The following AKAP6 variants were observed in gnomAD, a reference collection of about 807,000 sequenced individuals.
The protein encoded by AKAP6 is A-kinase anchoring protein 6, also known as A-kinase anchor protein 6.
Under a neutral mutation model 188.5 loss-of-function variants are expected in AKAP6, and 58 were observed. The observed-to-expected ratio is 0.31, with a 90% CI of 0.25 to 0.38. The LOEUF (loss-of-function observed/expected upper bound fraction) is 0.38, where lower values mean the gene tolerates loss of function less well. AKAP6 is among the 10% of genes least tolerant of loss of function. The pLI, the probability that AKAP6 is intolerant of heterozygous loss-of-function variation, is 1.00. For missense variants in AKAP6, 2,710 were observed against 2,740.0 expected (o/e 0.99, Z 0.24); for synonymous variants, 989 against 998.6 (o/e 0.99, Z 0.18).
intron 11 of AKAP6, among the ~76,000 whole-genome samples, chr14:32,752,947 C>G (rs1439650650): frequency 6.6e-6 from 1 of 151,986 alleles, no homozygotes; most frequent in Non-Finnish European, 1.5e-5. Flanking sequence ...CCCACATTTT[C>G]TATATCCATT....
At chr14:32,533,540 G>A (rs1275997560) in intron 2 of AKAP6, among the ~76,000 whole-genome samples, 1 of 152,152 alleles carries the variant, frequency 6.6e-6, no homozygotes, top group East Asian at 1.9e-4. Context: ...AGAAGTTAAG[G>A]AGTGTTTTTT....
Position 32,401,848 on chromosome 14 carries a change from G to C in AKAP6, c.-34-31612G>C, listed in dbSNP as rs553441013. On this transcript the variant is annotated intron_variant, in intron 1 of 13. Transcript: ENST00000280979. ...AATTGTAGCAGGAATCAAGCCTCAT[G>C]ATGCAAATGCCTAAATCCTGAATTG... The C allele has an allele frequency of 3.3e-5, 5 of 152,334 alleles. No homozygotes were observed. The South Asian group carries it at 1.0e-3, about 32-fold the overall frequency. The allele number at this position is 152,334 out of a possible 1,614,324, so 9.4% of individuals were successfully genotyped here.
At chr14:32,548,247 C>A (rs1344506056) in intron 4 of AKAP6, among the ~76,000 whole-genome samples, 1 of 151,806 alleles carries the variant, frequency 6.6e-6, no homozygotes, top group Non-Finnish European at 1.5e-5. Flanking sequence ...GATTATAGGC[C>A]CCCACAACCA....
intron 1 of AKAP6, among the ~76,000 whole-genome samples, chr14:32,389,883 TG>T (rs1888654247): frequency 6.6e-6 from 1 of 152,178 alleles, no homozygotes; most frequent in East Asian, 1.9e-4. Flanking sequence ...TGTATTTGGA[TG>T]TGTGGGTCTC....
intron 7 of AKAP6, among the ~76,000 whole-genome samples, chr14:32,648,170 G>A (rs1888060888): frequency 6.6e-6 from 1 of 152,064 alleles, no homozygotes; most frequent in African/African-American, 2.4e-5. Context: ...CCCACACTTA[G>A]CTGGAGGAGA....
chr14:32,483,553 C>T (rs1384719454), intron 2 of AKAP6, among the ~76,000 whole-genome samples: 2 of 152,076 alleles, frequency 1.3e-5, no homozygotes, highest in Non-Finnish European at 2.9e-5. Context: ...GGCATGATCT[C>T]GGCTCACTGC....
intron 2 of AKAP6, among the ~76,000 whole-genome samples, chr14:32,517,862 G>T (rs188045406): frequency 1.3e-5 from 2 of 152,322 alleles, no homozygotes; most frequent in Non-Finnish European, 2.9e-5. Context: ...CTCCTAGCAC[G>T]GAGTTTGAGA....
At chr14:32,790,495 G>A (rs1229525869) in intron 12 of AKAP6, among the ~76,000 whole-genome samples, 2 of 152,086 alleles carry the variant, frequency 1.3e-5, no homozygotes, top group East Asian at 3.9e-4. Context: ...ACTTACAAAG[G>A]GAAACCCATC....
At chr14:32,428,050 T>C (rs1890092423) in intron 1 of AKAP6, among the ~76,000 whole-genome samples, 1 of 152,224 alleles carries the variant, frequency 6.6e-6, no homozygotes, top group East Asian at 1.9e-4. Context: ...TGCTCTTACA[T>C]GGAAAGAACA....
chr14:32,662,247 G>A (rs1888736113), intron 7 of AKAP6, among the ~76,000 whole-genome samples: 1 of 152,076 alleles, frequency 6.6e-6, no homozygotes, highest in African/African-American at 2.4e-5. Context: ...TTGGGCATGG[G>A]ATTCTGACTA....
intron 7 of AKAP6, among the ~76,000 whole-genome samples, chr14:32,618,351 C>A (rs942704179): frequency 6.6e-6 from 1 of 152,070 alleles, no homozygotes; most frequent in Non-Finnish European, 1.5e-5. Context: ...TTCGTCCTAC[C>A]CTCCCTGCTT....
chr14:32,695,479 G>T (rs1890365554), intron 8 of AKAP6, among the ~76,000 whole-genome samples: 1 of 152,138 alleles, frequency 6.6e-6, no homozygotes, highest in Admixed American at 6.5e-5. Flanking sequence ...AGCTGATAGT[G>T]ATCCTTATAC....
intron 2 of AKAP6, among the ~76,000 whole-genome samples, chr14:32,499,318 A>G (rs764458512): frequency 8.3e-6 from 1 of 120,304 alleles, no homozygotes; most frequent in Admixed American, 9.6e-5. Flanking sequence ...ATAAAAAATA[A>G]GTGTAACAGC....
intron 1 of AKAP6, among the ~76,000 whole-genome samples, chr14:32,373,100 G>C (rs1039634651): frequency 6.6e-6 from 1 of 151,594 alleles, no homozygotes; most frequent in African/African-American, 2.4e-5. Flanking sequence ...GCTTTTTTGG[G>C]GGGGTGGGGT....
chr14:32,829,616 T>C lies in AKAP6; in HGVS notation c.*43-232T>C, dbSNP rs751583569. ...TTGTTTTCTTTGAAACCACGTCTTT[T>C]TAAAAAAAAAAAAAAATCAATGTAT... On this transcript the variant is annotated intron_variant, in intron 13 of 13. Transcript: ENST00000280979. Among the ~76,000 whole-genome samples the C allele has an allele frequency of 4.4e-3, 429 of 96,850 alleles. 4 individuals are homozygous for C. The highest frequency in any genetic ancestry group is 5.8e-3 in the Non-Finnish European group (287 of 49,484). The allele number at this position is 96,850 out of a possible 152,430, so 63.5% of individuals were successfully genotyped here.
At chr14:32,499,180 G>T (rs1195563698) in intron 2 of AKAP6, among the ~76,000 whole-genome samples, 4 of 152,002 alleles carry the variant, frequency 2.6e-5, no homozygotes, top group Non-Finnish European at 5.9e-5. Context: ...GAAGCATCTT[G>T]GCTGTTAGCA....
At chr14:32,604,778 A>G (rs1461482520) in intron 7 of AKAP6, among the ~76,000 whole-genome samples, 2 of 152,250 alleles carry the variant, frequency 1.3e-5, no homozygotes, top group Admixed American at 6.5e-5. Context: ...CACCTAGCAC[A>G]TAGTAAATCC....
chr14:32,708,639 T>C (rs1221554908), intron 9 of AKAP6, among the ~76,000 whole-genome samples: 1 of 152,136 alleles, frequency 6.6e-6, no homozygotes, highest in African/African-American at 2.4e-5. Context: ...TAGTCATTTT[T>C]TTTTACTTAG....
intron 12 of AKAP6, among the ~76,000 whole-genome samples, chr14:32,783,329 C>G (rs1159287784): frequency 6.6e-6 from 1 of 151,902 alleles, no homozygotes. Context: ...CTTGTGATCA[C>G]TGGAGCAATA....
Sources: allele counts gnomAD v4.1 joint callset (sites outside exome capture counted in the v4.1 genomes callset), GRCh38; gene constraint gnomAD v4.1.1; transcripts MANE v1.5; gene names NCBI Gene and HGNC (gene_info 2026-07-23, HGNC 2026-07-21).